The following FLT1 variants were observed in gnomAD, a reference collection of about 807,000 sequenced individuals.
FLT1 encodes fms related receptor tyrosine kinase 1, also known as vascular endothelial growth factor receptor 1.
FLT1 carries 49 observed loss-of-function variants against 156.3 expected under a neutral mutation model. That is an observed-to-expected ratio of 0.31 (90% CI 0.25 to 0.40). The LOEUF is 0.40. Among genes scored for constraint, FLT1 ranks in the 10% least tolerant of loss-of-function variants. The probability of loss-of-function intolerance (pLI) is 1.00; values close to 1 mark genes in which losing one functional copy is unlikely to be tolerated. For synonymous variants in FLT1, 594 were observed against 583.8 expected (o/e 1.02, Z -0.25); for missense variants, 1,322 against 1,637.2 (o/e 0.81, Z 3.32).
Position 28,322,741 on chromosome 13 carries a change from T to G in FLT1, c.2953+49A>C. On this transcript the variant is annotated intron_variant, in intron 21 of 29. Coordinates refer to ENST00000282397, the MANE Select transcript of FLT1 (RefSeq NM_002019.4). The surrounding 1 kb of genome is among the most constrained non-coding windows in gnomAD (Gnocchi z 4.3). ...AAAAAAATTTCAGAGATGCATAGTA[T>G]GTTGTAAAAATATCTCAGCGCGTAG... The G allele has an allele frequency of 6.4e-7, 1 of 1,573,638 alleles. No homozygotes were observed. Among genetic ancestry groups the G allele is most frequent in the Non-Finnish European group, 8.7e-7 (1 of 1,144,970 alleles).
intron 19 of FLT1, 25 bp from the exon 20 acceptor site, chr13:28,327,575 A>C: frequency 6.6e-7 from 1 of 1,504,076 alleles, no homozygotes; most frequent in Non-Finnish European, 9.3e-7. Flanking sequence ...GCACATGCTC[A>C]TGCTCAGCCA....
chr13:28,417,818 G>A (rs1033610537), intron 10 of FLT1, among the ~76,000 whole-genome samples: 1 of 152,030 alleles, frequency 6.6e-6, no homozygotes, highest in African/African-American at 2.4e-5. Context: ...CGTTTGAAGT[G>A]ACTAGGTCAA....
intron 1 of FLT1, among the ~76,000 whole-genome samples, chr13:28,477,318 A>C (rs1015722000): frequency 1.3e-5 from 2 of 152,164 alleles, no homozygotes; most frequent in African/African-American, 4.8e-5. Context: ...CATCAGAGTT[A>C]ATTAAGGTTG....
intron 11 of FLT1, among the ~76,000 whole-genome samples, chr13:28,400,607 T>C (rs1875371723): frequency 6.6e-6 from 1 of 152,136 alleles, no homozygotes; most frequent in African/African-American, 2.4e-5. Flanking sequence ...CATGAGACAG[T>C]GAGTTTCAAT....
At chr13:28,342,946 T>C (rs796796223) in intron 16 of FLT1, among the ~76,000 whole-genome samples, 2 of 143,004 alleles carry the variant, frequency 1.4e-5, no homozygotes, top group Admixed American at 6.9e-5. Context: ...CTTTCTTTCT[T>C]TCTCTCTCTC....
intron 3 of FLT1, among the ~76,000 whole-genome samples, chr13:28,445,708 AG>A (rs1355663033): frequency 2.0e-5 from 3 of 152,202 alleles, no homozygotes; most frequent in Non-Finnish European, 4.4e-5. Context: ...AGGGAAAGTC[AG>A]GGCCCAGATG....
intron 3 of FLT1, among the ~76,000 whole-genome samples, chr13:28,457,933 C>CTTTTTCTTTT (rs1879352271): frequency 8.8e-6 from 1 of 114,210 alleles, no homozygotes; most frequent in African/African-American, 3.7e-5. Context: ...CTTTCCTTTT[C>CTTTTTCTTTT]TTTTTTTTTT....
At chr13:28,448,732 A>G (rs11839049) in intron 3 of FLT1, among the ~76,000 whole-genome samples, 9,551 of 152,222 alleles carry the variant, frequency 0.063, 345 homozygotes, top group South Asian at 0.11. Context: ...ATCATTTTAA[A>G]TGGGTGTGGT....
chr13:28,345,715 G>A (rs1872539633), intron 15 of FLT1, 164 bp from the exon 16 acceptor site: 1 of 653,908 alleles, frequency 1.5e-6, no homozygotes, highest in Admixed American at 2.2e-5. Context: ...TACCTTCTAA[G>A]CCAGGCAGTA....
Position 28,438,252 on chromosome 13 carries a change from G to T in FLT1, c.482C>A (p.Thr161Lys). ...GRELVIPCRV[T>K]SPNITVTLKK... ...TAAAGTAACAGTGATGTTAGGTGAC[G>T]TAACCCGGCAGGGAATGACGAGCTC... Residue 161 changes from threonine to lysine, a missense_variant, in exon 4 of 30, where the codon ACG (threonine) becomes AAG (lysine). Coordinates refer to ENST00000282397, the MANE Select transcript of FLT1 (RefSeq NM_002019.4). 6.2e-7 allele frequency: 1 copy of T among 1,613,820 alleles called. No individual in the cohort carries two copies. Among genetic ancestry groups the T allele is most frequent in the Non-Finnish European group, 8.5e-7 (1 of 1,179,726 alleles).
intron 13 of FLT1, chr13:28,389,300 A>G: frequency 9.2e-6 from 11 of 1,198,082 alleles, no homozygotes; most frequent in Non-Finnish European, 1.1e-5. Flanking sequence ...GAGCTGGAAA[A>G]TTAACTTATT....
In FLT1 at chr13:28,314,468, C is replaced by T. The variant is rs11840786; in HGVS notation, c.3387-2370G>A. Among the ~76,000 whole-genome samples the T allele has an allele frequency of 4.5e-3, 686 of 152,210 alleles. 7 individuals are homozygous for T. Among genetic ancestry groups the T allele is most frequent in the African/African-American group, 0.015 (639 of 41,522 alleles). On this transcript the variant is annotated intron_variant, in intron 25 of 29. Transcript: ENST00000282397. The stretch of plus-strand genomic sequence containing the variant: ...GACATCTGATTCAACAGTATCTGGG[C>T]CAGGAACCAACAACTCAATGTTACA...
At chr13:28,412,307 C>T (rs962345391) in intron 10 of FLT1, among the ~76,000 whole-genome samples, 1 of 53,562 alleles carries the variant, frequency 1.9e-5, no homozygotes, top group East Asian at 1.1e-3. Flanking sequence ...TTTTCTCTTT[C>T]TCTTTCTTTC....
intron 10 of FLT1, among the ~76,000 whole-genome samples, chr13:28,420,854 C>T (rs1439786894): frequency 1.3e-5 from 2 of 152,196 alleles, no homozygotes; most frequent in Non-Finnish European, 2.9e-5. Context: ...TAACACATCC[C>T]TAATGACTCA....
rs568668858 is a variant in FLT1, at chr13:28,432,183, G to A, written c.814-873C>T. Among the ~76,000 whole-genome samples, 17 of 152,110 alleles carry A rather than the reference G, an allele frequency of 1.1e-4. No homozygotes were observed. The East Asian group carries it at 3.1e-3, about 28-fold the overall frequency. On this transcript the variant is annotated intron_variant, in intron 6 of 29. Coordinates refer to ENST00000282397, the MANE Select transcript of FLT1 (RefSeq NM_002019.4). Reference sequence around the variant, plus strand: ...CTCTCAATCCTTCCCCATAGTCATAGGGGGCGGAGGGGAGGAGCATGGAAA... The same window carrying A: ...CTCTCAATCCTTCCCCATAGTCATAAGGGGCGGAGGGGAGGAGCATGGAAA...
At chr13:28,352,462 GT>G (rs1216761649) in intron 15 of FLT1, among the ~76,000 whole-genome samples, 6 of 152,206 alleles carry the variant, frequency 3.9e-5, no homozygotes, top group African/African-American at 1.4e-4. Flanking sequence ...TGCCAGCCTA[GT>G]TTCTACGGAA....
chr13:28,434,061 G>C lies in FLT1; in HGVS notation c.673C>G (p.Gln225Glu). ...ATGCCTTTGAAGCATCACTTACTTT[G>C]TCGATGTGTGAGATAGTTTGTCTTA... ...LYKTNYLTHR[Q>E]TNTIIDVQIS... The change falls in exon 5 of 30, where the codon CAA (glutamine) becomes GAA (glutamate). Residue 225 changes from glutamine to glutamate, a missense_variant. Gln to Glu is a conservative substitution (Grantham distance 29). Around this residue, in one of 3 missense-constraint regions of FLT1, gnomAD observed 991 missense variants for 1,254.8 expected, o/e 0.79. Transcript: ENST00000282397. 1 of 1,614,148 alleles carries C rather than the reference G, an allele frequency of 6.2e-7. No homozygotes were observed. The highest frequency in any genetic ancestry group is 8.5e-7 in the Non-Finnish European group (1 of 1,180,002).
intron 4 of FLT1, among the ~76,000 whole-genome samples, chr13:28,436,117 A>G (rs1234604182): frequency 1.3e-5 from 2 of 152,194 alleles, no homozygotes; most frequent in Non-Finnish European, 2.9e-5. Context: ...TTCCATTGAC[A>G]AAGTAACTTT....
In FLT1 at chr13:28,302,059, T is replaced by C. The variant is rs1870535481; in HGVS notation, c.*1108A>G. 1.7e-5 allele frequency: 4 copies of C among 233,410 alleles called. No homozygotes were observed. In the South Asian group the frequency reaches 5.4e-4, roughly 32 times the overall value. 14.5% of individuals were successfully genotyped at this position (233,410 alleles called of 1,614,324 possible). On this transcript the variant is annotated 3_prime_UTR_variant, in exon 30 of 30. Coordinates refer to ENST00000282397, the MANE Select transcript of FLT1 (RefSeq NM_002019.4). The stretch of plus-strand genomic sequence containing the variant: ...CAACTGTGTTGGTGAATTGGTTTGG[T>C]TGGTATAGAGACGGGGTTTTCCCTT...
Sources: allele counts gnomAD v4.1 joint callset (sites outside exome capture counted in the v4.1 genomes callset), GRCh38; gene constraint gnomAD v4.1.1; regional missense constraint gnomAD v4.1.1; non-coding constraint Gnocchi (gnomAD v3.1); transcripts MANE v1.5; gene names NCBI Gene and HGNC (gene_info 2026-07-23, HGNC 2026-07-21).